The following CHD1L variants were observed in gnomAD, a reference collection of about 807,000 sequenced individuals.
The protein encoded by CHD1L is ATP-dependent chromatin remodeler CHD1L.
CHD1L carries 118 observed loss-of-function variants against 115.9 expected under a neutral mutation model. The observed-to-expected ratio is 1.02, with a 90% CI of 0.88 to 1.19. The LOEUF (loss-of-function observed/expected upper bound fraction) is 1.19. Ranked by LOEUF, CHD1L falls within the 50% of genes most tolerant of loss-of-function variation. The pLI is 0.00. For synonymous variants in CHD1L, 411 were observed against 387.1 expected, an observed-to-expected ratio of 1.06 and a Z score of -0.72; for missense variants, 1,179 against 1,065.3, an observed-to-expected ratio of 1.11 and a Z score of -1.49.
intron 10 of CHD1L, 26 bp from the exon 11 acceptor site, chr1:147,270,906 G>T: frequency 6.2e-7 from 1 of 1,606,066 alleles, no homozygotes; most frequent in Non-Finnish European, 8.5e-7. Context: ...AGACTTGGCA[G>T]TGTTTCCTTT....
At position 147,264,074 on chromosome 1, in the gene CHD1L, C is replaced by T. The variant is rs587751178; in HGVS notation, c.577-348C>T. ...GTCTCAGATACCTCAGTAGACTCCC[C>T]GACACAGGCAGTAACACATAGTTTG... On this transcript the variant is annotated intron_variant, in intron 6 of 22. Coordinates refer to ENST00000369258, the MANE Select transcript of CHD1L (RefSeq NM_004284.6). Among the ~76,000 whole-genome samples, 19 of 152,240 alleles carry T rather than the reference C, an allele frequency of 1.2e-4. 1 individual carries two copies. The East Asian group carries it at 2.3e-3, about 19-fold the overall frequency.
At chr1:147,210,377 C>T in the CHD1L span, 2 of 152,176 alleles carry the variant, frequency 1.3e-5, no homozygotes, top group East Asian at 3.9e-4. Context: ...AATCACTTTT[C>T]CTACACTATG....
the CHD1L span, among the ~76,000 whole-genome samples, chr1:147,190,789 C>T: frequency 6.6e-6 from 1 of 151,930 alleles, no homozygotes; most frequent in Admixed American, 6.6e-5. Context: ...CCCATTAACT[C>T]GTCATTTAGC....
chr1:147,273,720 C>T (rs1254239613), intron 12 of CHD1L, among the ~76,000 whole-genome samples: 4 of 152,244 alleles, frequency 2.6e-5, no homozygotes, highest in Non-Finnish European at 5.9e-5. Flanking sequence ...GAGATCTCTG[C>T]TTTTCAGTTA....
At chr1:147,227,705 A>T in the CHD1L span, among the ~76,000 whole-genome samples, 1 of 152,228 alleles carries the variant, frequency 6.6e-6, no homozygotes, top group African/African-American at 2.4e-5. Flanking sequence ...AACTAATTCC[A>T]AGATAACATA....
chr1:147,208,992 A>G, the CHD1L span: 88 of 1,614,046 alleles, frequency 5.5e-5, no homozygotes, highest in African/African-American at 9.9e-4. Flanking sequence ...CATCAGCAGG[A>G]TATCCGTAGT....
chr1:147,286,280 G>A lies in CHD1L; in HGVS notation c.2019-18G>A, dbSNP rs782364703. The A allele has an allele frequency of 3.4e-5, 54 of 1,611,502 alleles. No homozygotes were observed. The Admixed American group carries it at 8.4e-4, about 25-fold the overall frequency. ...TGATTGTCTGGGTTAATTTCCTTTT[G>A]TCTCTGGCCTGCTAAAGGATGGCCT... On this transcript the variant is annotated intron_variant, in intron 17 of 22. Transcript: ENST00000369258.
chr1:147,277,942 T>C (rs72691054), intron 14 of CHD1L, among the ~76,000 whole-genome samples: 27,009 of 152,078 alleles, frequency 0.18, 3,059 homozygotes, highest in Middle Eastern at 0.26. Context: ...TATCTTGTGA[T>C]GTGGGCTGCT....
the CHD1L span, chr1:147,212,569 G>T: frequency 1.3e-6 from 2 of 1,587,408 alleles, no homozygotes; most frequent in African/African-American, 1.4e-5. Flanking sequence ...ATTGGGTAAT[G>T]GTTTACATGA....
chr1:147,284,315 A>T, intron 15 of CHD1L, 36 bp from the exon 16 acceptor site: 2 of 1,487,416 alleles, frequency 1.3e-6, no homozygotes, highest in Admixed American at 2.2e-5. Flanking sequence ...TTTCCTTGGT[A>T]TCTAACATTT....
At chr1:147,175,019 A>G in the CHD1L span, 1 of 152,166 alleles carries the variant, frequency 6.6e-6, no homozygotes, top group African/African-American at 2.4e-5. Context: ...GGATGTGAGA[A>G]TGAAGGATTG....
At chr1:147,282,305 A>T (rs1473260191) in intron 15 of CHD1L, among the ~76,000 whole-genome samples, 1 of 152,158 alleles carries the variant, frequency 6.6e-6, no homozygotes, top group Non-Finnish European at 1.5e-5. Context: ...GTGAGAATGG[A>T]GTTCACCTGG....
chr1:147,285,548 A>T, intron 17 of CHD1L, 61 bp downstream of exon 17: 2 of 1,455,688 alleles, frequency 1.4e-6, no homozygotes, highest in Non-Finnish European at 1.9e-6. Context: ...GTATAGTGAG[A>T]CCACAGTTGA....
chr1:147,286,733 G>T (rs1314663062), intron 18 of CHD1L, among the ~76,000 whole-genome samples: 1 of 152,172 alleles, frequency 6.6e-6, no homozygotes, highest in Non-Finnish European at 1.5e-5. Flanking sequence ...CATATGATGG[G>T]ACAATATCTG....
chr1:147,288,315 CCT>C (rs1392046427), intron 19 of CHD1L, among the ~76,000 whole-genome samples: 1 of 60,506 alleles, frequency 1.7e-5, no homozygotes, highest in Non-Finnish European at 2.9e-5. Flanking sequence ...AGAGTGAGAC[CCT>C]GTTTCAATAA....
intron 5 of CHD1L, among the ~76,000 whole-genome samples, chr1:147,257,326 G>C (rs1553941074): frequency 1.3e-5 from 2 of 151,272 alleles, no homozygotes; most frequent in Non-Finnish European, 2.9e-5. Flanking sequence ...CTGTGAGCTG[G>C]ATTTCTATTT....
chr1:147,258,736 A>G (rs1333078928), intron 5 of CHD1L: 2 of 152,096 alleles, frequency 1.3e-5, no homozygotes, highest in Non-Finnish European at 2.9e-5. Context: ...TCTGCTCAAG[A>G]TCTTTCTCTA....
rs1687276763 is a variant in CHD1L at position 147,295,729 on chromosome 1, G to A, written c.*220G>A. ...TGGGAAAGCCCTTTGACCCCAGCTT[G>A]CTAGTTGCATAATAATAAATTTTCT... On this transcript the variant is annotated 3_prime_UTR_variant, in exon 23 of 23. Coordinates refer to ENST00000369258, the MANE Select transcript of CHD1L (RefSeq NM_004284.6). 1.9e-6 allele frequency: 1 copy of A among 517,950 alleles called. No individual in the cohort carries two copies. Among genetic ancestry groups the A allele is most frequent in the Admixed American group, 4.0e-5 (1 of 25,186 alleles). 32.1% of individuals were successfully genotyped at this position (517,950 alleles called of 1,614,324 possible).
At chr1:147,191,942 C>T in the CHD1L span, among the ~76,000 whole-genome samples, 5 of 151,922 alleles carry the variant, frequency 3.3e-5, no homozygotes, top group African/African-American at 4.8e-5. Flanking sequence ...AGTCAGGTAG[C>T]GTGATGCCTC....
Sources: gnomAD v4.1 joint callset for allele counts (sites outside exome capture counted in the v4.1 genomes callset) on GRCh38, gnomAD v4.1.1 for gene constraint, MANE v1.5 for transcripts, NCBI Gene and HGNC (gene_info 2026-07-23, HGNC 2026-07-21) for gene names.